The following RBM19 variants were observed in gnomAD, a reference collection of about 807,000 sequenced individuals.
The protein encoded by RBM19 is probable RNA-binding protein 19.
A neutral mutation model predicts 116.8 loss-of-function variants in RBM19; 94 were observed. That is an observed-to-expected ratio of 0.80 (90% CI 0.68 to 0.95). The LOEUF (loss-of-function observed/expected upper bound fraction) is 0.95. Among genes scored for constraint, RBM19 ranks in the 40% least tolerant of loss-of-function variants. The probability of loss-of-function intolerance (pLI) is 0.00; values close to 1 mark genes in which losing one functional copy is unlikely to be tolerated. For synonymous variants in RBM19, 475 were observed against 494.1 expected (o/e 0.96, Z 0.51); for missense variants, 1,161 against 1,220.7 (o/e 0.95, Z 0.73).
intron 23 of RBM19, among the ~76,000 whole-genome samples, chr12:113,833,008 T>G (rs954565844): frequency 1.6e-4 from 25 of 152,208 alleles, no homozygotes; most frequent in African/African-American, 5.8e-4. Context: ...ATCATCTGTC[T>G]GCTGATGACT....
chr12:113,899,936 CAG>C (rs1179429069), intron 21 of RBM19, among the ~76,000 whole-genome samples: 9 of 152,116 alleles, frequency 5.9e-5, no homozygotes, highest in Non-Finnish European at 1.2e-4. Context: ...TGAATGCAGA[CAG>C]GGGAGGTGTG....
intron 21 of RBM19, among the ~76,000 whole-genome samples, chr12:113,874,885 G>A (rs1222574148): frequency 6.6e-6 from 1 of 152,246 alleles, no homozygotes; most frequent in Non-Finnish European, 1.5e-5. Flanking sequence ...AGCGGGCATG[G>A]TCACTGAGTC....
At chr12:113,885,444 T>C (rs1300742211) in intron 21 of RBM19, among the ~76,000 whole-genome samples, 1 of 152,206 alleles carries the variant, frequency 6.6e-6, no homozygotes, top group African/African-American at 2.4e-5. Context: ...GAAAATGGAA[T>C]GTAACGTGTG....
intron 23 of RBM19, among the ~76,000 whole-genome samples, chr12:113,840,554 A>G (rs1876373821): frequency 6.6e-6 from 1 of 152,240 alleles, no homozygotes; most frequent in African/African-American, 2.4e-5. Context: ...CATCCCCGGA[A>G]GGCTGAACCC....
At chr12:113,839,810 GGAC>G (rs1327306620) in intron 23 of RBM19, among the ~76,000 whole-genome samples, 1 of 152,212 alleles carries the variant, frequency 6.6e-6, no homozygotes, top group Non-Finnish European at 1.5e-5. Context: ...ACTTGCCCCA[GGAC>G]AACAGCCAGA....
At chr12:113,821,284 C>T (rs1874397419), downstream of RBM19, among the ~76,000 whole-genome samples, 3 of 152,130 alleles carry the variant, frequency 2.0e-5, no homozygotes, top group Admixed American at 1.3e-4. Flanking sequence ...ATGCCTGCCT[C>T]TGCACCAGGC....
chr12:113,823,999 A>T (rs1429153843), intron 23 of RBM19, among the ~76,000 whole-genome samples: 1 of 152,056 alleles, frequency 6.6e-6, no homozygotes, highest in East Asian at 1.9e-4. Flanking sequence ...TTTGAAGAGG[A>T]GGACTATTTG....
intron 21 of RBM19, among the ~76,000 whole-genome samples, chr12:113,878,664 CA>C (rs1210722177): frequency 1.3e-5 from 2 of 149,464 alleles, no homozygotes; most frequent in African/African-American, 5.1e-5. Context: ...CACACACACA[CA>C]CACACACCCT....
intron 19 of RBM19, among the ~76,000 whole-genome samples, 200 bp downstream of exon 19, chr12:113,920,411 T>C (rs895186032): frequency 6.6e-6 from 1 of 152,374 alleles, no homozygotes; most frequent in African/African-American, 2.4e-5. Flanking sequence ...ATCAAATGAA[T>C]GAACTATGGT....
intron 2 of RBM19, among the ~76,000 whole-genome samples, chr12:113,960,734 T>C (rs1257882683): frequency 3.9e-5 from 6 of 152,176 alleles, no homozygotes; most frequent in Non-Finnish European, 7.3e-5. Flanking sequence ...CTACCACAGT[T>C]ACCCCACACT....
chr12:113,891,952 A>G (rs753648110), intron 21 of RBM19, among the ~76,000 whole-genome samples: 29 of 152,256 alleles, frequency 1.9e-4, no homozygotes, highest in Non-Finnish European at 4.1e-4. Flanking sequence ...GTAAACACTG[A>G]GATCATTCTG....
At chr12:113,942,594 CTTT>C (rs71443067) in intron 13 of RBM19, among the ~76,000 whole-genome samples, 160 bp from the exon 14 acceptor site, 4 of 125,826 alleles carry the variant, frequency 3.2e-5, no homozygotes, top group Non-Finnish European at 4.9e-5. Flanking sequence ...CGGCTCTGTG[CTTT>C]TTTTTTTTTT....
At chr12:113,962,504 C>A in intron 1 of RBM19, 90 bp from the exon 2 acceptor site, 1 of 1,327,036 alleles carries the variant, frequency 7.5e-7, no homozygotes, top group Non-Finnish European at 1.1e-6. Flanking sequence ...CCACGAGATT[C>A]TCCAAGGGTG....
intron 21 of RBM19, among the ~76,000 whole-genome samples, chr12:113,887,398 G>T (rs903640024): frequency 1.3e-5 from 2 of 152,056 alleles, no homozygotes; most frequent in Non-Finnish European, 2.9e-5. Flanking sequence ...AGCACTTTGG[G>T]AGGCCGAGGT....
At chr12:113,918,823 T>A (rs1272439035) in intron 19 of RBM19, among the ~76,000 whole-genome samples, 1 of 152,212 alleles carries the variant, frequency 6.6e-6, no homozygotes, top group African/African-American at 2.4e-5. Context: ...ATATTCTAAA[T>A]CCTAGTGGAG....
At chr12:113,872,572 G>A (rs1334301841) in intron 21 of RBM19, among the ~76,000 whole-genome samples, 1 of 119,428 alleles carries the variant, frequency 8.4e-6, no homozygotes, top group Non-Finnish European at 1.9e-5. Flanking sequence ...AGGGAGGTGG[G>A]GGGGGGTCAG....
rs556335942 is a variant in RBM19, at chr12:113,841,614, G to T, written c.2785+3054C>A. ...ATTTTTTTGTATTTTTAGTAGAGAC[G>T]GGGTTTCACCATGTTGGCCAGGCTG... On this transcript the variant is annotated intron_variant, in intron 23 of 23. Coordinates refer to ENST00000261741, the MANE Select transcript of RBM19 (RefSeq NM_016196.4). Among the ~76,000 whole-genome samples, 122 of 151,938 alleles carry T rather than the reference G, an allele frequency of 8.0e-4. 1 individual carries two copies. The highest frequency in any genetic ancestry group is 2.8e-3 in the African/African-American group (116 of 41,458).
At chr12:113,897,872 C>G (rs1359988242) in intron 21 of RBM19, among the ~76,000 whole-genome samples, 1 of 152,224 alleles carries the variant, frequency 6.6e-6, no homozygotes, top group African/African-American at 2.4e-5. Context: ...CTATGATTAC[C>G]TGAGCAGAGC....
At chr12:113,865,839 G>A (rs4766702) in intron 21 of RBM19, among the ~76,000 whole-genome samples, 101,277 of 150,426 alleles carry the variant, frequency 0.67, 34,377 homozygotes, top group East Asian at 0.98. Flanking sequence ...AAAAAAAAAA[G>A]GGGGCAGGGG....
Sources: gnomAD v4.1 joint callset for allele counts (sites outside exome capture counted in the v4.1 genomes callset) on GRCh38, gnomAD v4.1.1 for gene constraint, MANE v1.5 for transcripts, NCBI Gene and HGNC (gene_info 2026-07-23, HGNC 2026-07-21) for gene names.